Variants in HIPK4 observed in about 807,000 individuals in gnomAD.
HIPK4 encodes homeodomain-interacting protein kinase 4.
HIPK4 carries 26 observed loss-of-function variants against 44.8 expected under a neutral mutation model. The ratio of observed to expected loss-of-function variants is 0.58; its 90% confidence interval spans 0.43 to 0.80. The LOEUF (loss-of-function observed/expected upper bound fraction) is 0.80, where lower values mean the gene tolerates loss of function less well. Ranked by LOEUF, HIPK4 falls within the 30% of genes least tolerant of loss-of-function variation. The pLI, the probability that HIPK4 is intolerant of heterozygous loss-of-function variation, is 0.00. For missense variants in HIPK4, 729 were observed against 862.6 expected, an observed-to-expected ratio of 0.85 and a Z score of 1.94; for synonymous variants, 340 against 355.5, an observed-to-expected ratio of 0.96 and a Z score of 0.49.
In HIPK4 at chr19:40,383,890, A is replaced by G. The variant is rs2079349961; in HGVS notation, c.715T>C (p.Leu239=). Reference sequence around the variant, plus strand: ...TGGTGGGCCTTGCAGGCGGCGTGCAACAGGTGTGGCTTGGGCAGGCCCTGG... The same window carrying G: ...TGGTGGGCCTTGCAGGCGGCGTGCAGCAGGTGTGGCTTGGGCAGGCCCTGG... The part of the protein sequence containing the change: ...ETQGLPKPHL[L]HAACKAHHFF... The change falls in exon 2 of 4, where the codon TTG becomes CTG. Residue 239 remains leucine, a synonymous_variant. Coordinates refer to ENST00000291823, the MANE Select transcript of HIPK4 (RefSeq NM_144685.5). 1.2e-6 allele frequency: 2 copies of G among 1,614,088 alleles called. No individual in the cohort carries two copies. Among genetic ancestry groups the G allele is most frequent in the African/African-American group, 2.7e-5 (2 of 75,022 alleles).
chr19:40,384,283 C>T, intron 1 of HIPK4, 144 bp from the exon 2 acceptor site: 2 of 674,070 alleles, frequency 3.0e-6, no homozygotes, highest in South Asian at 1.8e-5. Context: ...TCTTTAGTTG[C>T]TTTGTTGGTT....
rs540218199 is a variant in HIPK4, at chr19:40,384,163, G to T, written c.466-24C>A. 5.2e-6 allele frequency: 8 copies of T among 1,542,468 alleles called. No individual in the cohort carries two copies. In the African/African-American group the frequency reaches 8.2e-5, roughly 16 times the overall value. On this transcript the variant is annotated intron_variant, in intron 1 of 3. Coordinates refer to ENST00000291823, the MANE Select transcript of HIPK4 (RefSeq NM_144685.5). ...ACCTGTCGGGGGTGGGGAAGAGGGCGAGTGGGCAGGTCAAGCAGCAGGGAC... is the reference window on the plus strand; with the variant it reads ...ACCTGTCGGGGGTGGGGAAGAGGGCTAGTGGGCAGGTCAAGCAGCAGGGAC...
Position 40,380,646 on chromosome 19 carries a change from C to T in HIPK4, c.1345G>A (p.Ala449Thr), listed in dbSNP as rs2079329824. Reference protein sequence around the residue: ...HGLWGETCTNAVSDMMVPLKA... With the variant: ...HGLWGETCTNTVSDMMVPLKA... The stretch of plus-strand genomic sequence containing the variant: ...AGGGGGACCATCATGTCGGAGACCG[C>T]ATTGGTGCAGGTCTCACCCCACAGC... The change falls in exon 3 of 4, where the codon GCG becomes ACG. Residue 449 changes from alanine to threonine, a missense_variant. By Grantham distance (58) the Ala-to-Thr change is moderately conservative. Coordinates refer to ENST00000291823, the MANE Select transcript of HIPK4 (RefSeq NM_144685.5). The surrounding 1 kb of genome is among the most constrained non-coding windows in gnomAD (Gnocchi z 4.2). 6.2e-7 allele frequency: 1 copy of T among 1,613,752 alleles called. No individual in the cohort carries two copies.
rs1271828913 is a variant in HIPK4, at chr19:40,380,384, A to C, written c.1607T>G (p.Leu536Arg). ...ATCCTCATCTCGCTGCAGGATGGCC[A>C]GTGGCTCAGCAGAGGCCCCGAGATG... ...GEHLGASAEP[L>R]AILQRDEDGP... Residue 536 changes from leucine (L) to arginine (R), a missense_variant, in exon 3 of 4, where the codon CTG (leucine) becomes CGG (arginine). This residue lies in a region of HIPK4 where 533 missense variants were observed against 567.5 expected (regional missense o/e 0.94). Coordinates refer to ENST00000291823, the MANE Select transcript of HIPK4 (RefSeq NM_144685.5). The surrounding 1 kb of genome is among the most constrained non-coding windows in gnomAD (Gnocchi z 4.2). 1 of 1,614,046 alleles carries C rather than the reference A, an allele frequency of 6.2e-7. No homozygotes were observed. The highest frequency in any genetic ancestry group is 1.3e-5 in the African/African-American group (1 of 74,926).
intron 1 of HIPK4, among the ~76,000 whole-genome samples, chr19:40,387,206 C>T (rs562856066): frequency 6.6e-6 from 1 of 152,142 alleles, no homozygotes; most frequent in South Asian, 2.1e-4. Context: ...ACTTGCCTGT[C>T]TCTTGTCTCT....
chr19:40,383,185 C>T (rs971874213), intron 2 of HIPK4, among the ~76,000 whole-genome samples: 14 of 143,642 alleles, frequency 9.7e-5, no homozygotes, highest in Non-Finnish European at 2.1e-4. Flanking sequence ...TGGGTTCAAG[C>T]GATTCTCCTG....
At chr19:40,387,212 T>C (rs2079367213) in intron 1 of HIPK4, among the ~76,000 whole-genome samples, 1 of 151,976 alleles carries the variant, frequency 6.6e-6, no homozygotes, top group African/African-American at 2.4e-5. Context: ...CTGTCTCTTG[T>C]CTCTCAGTGT....
Position 40,383,808 on chromosome 19 carries a change from G to A in HIPK4, c.797C>T (p.Ser266Leu), listed in dbSNP as rs571026735. The A allele has an allele frequency of 1.7e-5, 27 of 1,612,100 alleles. No individual in the cohort carries two copies. The highest frequency in any genetic ancestry group is 1.7e-4 in the Middle Eastern group (1 of 6,056). Reference sequence around the variant, plus strand: ...CTTCGTCTCGGCCAGGTAGTCAGCCGAGGACTTGAGCTGCCAGGGGTTGGC... The same window carrying A: ...CTTCGTCTCGGCCAGGTAGTCAGCCAAGGACTTGAGCTGCCAGGGGTTGGC... Reference protein sequence around the residue: ...DAANPWQLKSSADYLAETKVR... With the variant: ...DAANPWQLKSLADYLAETKVR... Residue 266 changes from serine (S) to leucine (L), a missense_variant, in exon 2 of 4, where the codon TCG (serine) becomes TTG (leucine). Physicochemically the swap from Ser to Leu is moderately radical, Grantham distance 145 (BLOSUM62 -2). Transcript: ENST00000291823.
intron 1 of HIPK4, among the ~76,000 whole-genome samples, chr19:40,385,678 CTTT>C (rs1441960657): frequency 1.0e-5 from 1 of 100,424 alleles, no homozygotes. Flanking sequence ...TTTTTCTTTT[CTTT>C]TCTTTTTTTT....
In HIPK4 at chr19:40,389,613, A is replaced by G; in HGVS notation, c.290T>C (p.Phe97Ser). 1 of 1,614,090 alleles carries G rather than the reference A, an allele frequency of 6.2e-7. No individual in the cohort carries two copies. Among genetic ancestry groups the G allele is most frequent in the East Asian group, 2.2e-5 (1 of 44,874 alleles). Residue 97 changes from phenylalanine (F) to serine (S), a missense_variant, in exon 1 of 4, where the codon TTC (phenylalanine) becomes TCC (serine). Coordinates refer to ENST00000291823, the MANE Select transcript of HIPK4 (RefSeq NM_144685.5). The surrounding 1 kb of genome is among the most constrained non-coding windows in gnomAD (Gnocchi z 4.6). Reference sequence around the variant, plus strand: ...GAAGTTGTTCTCCTTCTGGAACTCGAAAAGGTTTTGCTCCAGCAGCTCAAA... The same window carrying G: ...GAAGTTGTTCTCCTTCTGGAACTCGGAAAGGTTTTGCTCCAGCAGCTCAAA... ...LVFELLEQNL[F>S]EFQKENNFAP...
In HIPK4 at chr19:40,379,773, T is replaced by TG; in HGVS notation, c.1669-5dup. ...CGAAGAGCTCAGGGTCTGGCCTCTG[T>TG]GGGGGAAGAGAGAGGGGCATCAGCC... is the stretch of plus-strand genomic sequence containing the variant. On this transcript the variant is annotated splice_polypyrimidine_tract_variant and splice_region_variant and intron_variant, in intron 3 of 3. Transcript: ENST00000291823. 1 of 1,607,308 alleles carries TG rather than the reference T, an allele frequency of 6.2e-7. No individual in the cohort carries two copies. Among genetic ancestry groups the TG allele is most frequent in the Non-Finnish European group, 8.5e-7 (1 of 1,178,172 alleles).
At chr19:40,387,096 C>T (rs1303890757) in intron 1 of HIPK4, among the ~76,000 whole-genome samples, 2 of 152,084 alleles carry the variant, frequency 1.3e-5, no homozygotes, top group Non-Finnish European at 2.9e-5. Context: ...CTCTAGTAAT[C>T]CTCCCACCTC....
Position 40,383,729 on chromosome 19 carries a change from T to C in HIPK4, c.822+54A>G, listed in dbSNP as rs1202509702. Reference sequence around the variant, plus strand: ...GAGCCACGTTGCCCACCCTAGAATTTTTTTTCATGTAACAGCCCCCACACT... The same window carrying C: ...GAGCCACGTTGCCCACCCTAGAATTCTTTTTCATGTAACAGCCCCCACACT... On this transcript the variant is annotated intron_variant, in intron 2 of 3. Transcript: ENST00000291823. The C allele has an allele frequency of 2.8e-6, 4 of 1,420,066 alleles. No individual in the cohort carries two copies. In the South Asian group the frequency reaches 4.0e-5, roughly 14 times the overall value. 88.0% of individuals were successfully genotyped at this position (1,420,066 alleles called of 1,614,324 possible).
chr19:40,389,992 GGCCCC>G lies in HIPK4; in HGVS notation c.-95_-91del. Reference sequence around the variant, plus strand: ...CTCCCGCCTGGCTGCTGACACAGCAGGCCCCCCAGTGGGGGAAAGAGAACCGCACT... The same window carrying G: ...CTCCCGCCTGGCTGCTGACACAGCAGCCAGTGGGGGAAAGAGAACCGCACT... On this transcript the variant is annotated 5_prime_UTR_variant, in exon 1 of 4. Coordinates refer to ENST00000291823, the MANE Select transcript of HIPK4 (RefSeq NM_144685.5). This position sits in a 1 kb window ranked among gnomAD's most constrained non-coding sequence, Gnocchi z 4.6. 3.0e-6 allele frequency: 3 copies of G among 1,015,886 alleles called. No individual in the cohort carries two copies. Among genetic ancestry groups the G allele is most frequent in the Non-Finnish European group, 4.3e-6 (3 of 695,860 alleles). 62.9% of individuals were successfully genotyped at this position (1,015,886 alleles called of 1,614,324 possible).
In HIPK4 at chr19:40,380,485, G is replaced by T; in HGVS notation, c.1506C>A (p.Ser502Arg). ...AGACCTGGCTCAGCCGAATGAGGTTGCTGAAGTTGGAGTCGGACTTGGAAC... is the reference window on the plus strand; with the variant it reads ...AGACCTGGCTCAGCCGAATGAGGTTTCTGAAGTTGGAGTCGGACTTGGAAC... ...PAGSKSDSNF[S>R]NLIRLSQVSP... The change falls in exon 3 of 4, where the codon AGC becomes AGA. Residue 502 changes from serine (S) to arginine (R), a missense_variant. Ser to Arg is a moderately radical substitution (Grantham distance 110). This residue lies in a region of HIPK4 where 533 missense variants were observed against 567.5 expected (regional missense o/e 0.94). Coordinates refer to ENST00000291823, the MANE Select transcript of HIPK4 (RefSeq NM_144685.5). The surrounding 1 kb of genome is among the most constrained non-coding windows in gnomAD (Gnocchi z 4.2). 6.2e-7 allele frequency: 1 copy of T among 1,613,242 alleles called. No individual in the cohort carries two copies.
rs1199012470 is a variant in HIPK4, at chr19:40,380,010, C to T, written c.1669-241G>A. On this transcript the variant is annotated intron_variant, in intron 3 of 3. Coordinates refer to ENST00000291823, the MANE Select transcript of HIPK4 (RefSeq NM_144685.5). The surrounding 1 kb of genome is among the most constrained non-coding windows in gnomAD (Gnocchi z 4.2). ...GGACTACAGGTGCATGCCACCAAAACCAGCTAATATTTCTAATTTTTTGGT... is the reference window on the plus strand; with the variant it reads ...GGACTACAGGTGCATGCCACCAAAATCAGCTAATATTTCTAATTTTTTGGT... Among the ~76,000 whole-genome samples the T allele has an allele frequency of 2.0e-5, 3 of 152,144 alleles. No homozygotes were observed. The highest frequency in any genetic ancestry group is 2.9e-5 in the Non-Finnish European group (2 of 68,024).
intron 2 of HIPK4, among the ~76,000 whole-genome samples, 198 bp downstream of exon 2, chr19:40,383,584 AT>A (rs978819766): frequency 4.0e-5 from 6 of 150,096 alleles, no homozygotes; most frequent in Admixed American, 1.3e-4. Flanking sequence ...TGCCCAGCTG[AT>A]TTTTTTTTCC....
chr19:40,380,733 G>A lies in HIPK4; in HGVS notation c.1258C>T (p.Pro420Ser). The A allele has an allele frequency of 6.2e-7, 1 of 1,614,138 alleles. No homozygotes were observed. The highest frequency in any genetic ancestry group is 8.5e-7 in the Non-Finnish European group (1 of 1,179,974). ...TGGTCGATGGCTCTTTGCATACCTG[G>A]TGCCTTCTCCTCTCGGAAGAAGGGG... Reference protein sequence around the residue: ...SSPFFREEKAPGMQRAIDQLD... With the variant: ...SSPFFREEKASGMQRAIDQLD... Residue 420 changes from proline to serine, a missense_variant, in exon 3 of 4, where the codon CCA becomes TCA. By Grantham distance (74) the Pro-to-Ser change is moderately conservative. Around this residue, in one of 2 missense-constraint regions of HIPK4, gnomAD observed 533 missense variants for 567.5 expected, o/e 0.94. Coordinates refer to ENST00000291823, the MANE Select transcript of HIPK4 (RefSeq NM_144685.5). The surrounding 1 kb of genome is among the most constrained non-coding windows in gnomAD (Gnocchi z 4.2).
At position 40,389,861 on chromosome 19, in the gene HIPK4, G is replaced by A. The variant is rs149962556; in HGVS notation, c.42C>T (p.Ile14=). ...IQSETDCYDI[I]EVLGKGTFGE... is the part of the protein sequence containing the mutation. Reference sequence around the variant, plus strand: ...CGAAGGTCCCCTTGCCCAAGACCTCGATGATGTCGTAGCAGTCAGTCTCCG... The same window carrying A: ...CGAAGGTCCCCTTGCCCAAGACCTCAATGATGTCGTAGCAGTCAGTCTCCG... The change falls in exon 1 of 4, where the codon ATC becomes ATT. Residue 14 remains isoleucine, a synonymous_variant. Transcript: ENST00000291823. The surrounding 1 kb of genome is among the most constrained non-coding windows in gnomAD (Gnocchi z 4.6). 108 of 1,612,436 alleles carry A rather than the reference G, an allele frequency of 6.7e-5. 1 individual carries two copies. Among genetic ancestry groups the A allele is most frequent in the African/African-American group, 5.5e-4 (41 of 75,062 alleles).
Sources: allele counts gnomAD v4.1 joint callset (sites outside exome capture counted in the v4.1 genomes callset), GRCh38; gene constraint gnomAD v4.1.1; regional missense constraint gnomAD v4.1.1; non-coding constraint Gnocchi (gnomAD v3.1); transcripts MANE v1.5; gene names NCBI Gene and HGNC (gene_info 2026-07-23, HGNC 2026-07-21).